EPM2AIP1: variants seen among roughly 807,000 people sequenced by gnomAD.
EPM2AIP1 encodes EPM2A interacting protein 1, also known as EPM2A-interacting protein 1.
In EPM2AIP1, 23 loss-of-function variants were observed where a neutral mutation model predicts 44.8. The observed-to-expected ratio is 0.51, with a 90% CI of 0.37 to 0.73. The LOEUF is 0.73. Ranked by LOEUF, EPM2AIP1 falls within the 30% of genes least tolerant of loss-of-function variation. The pLI is 0.00. For missense variants in EPM2AIP1, 652 were observed against 743.9 expected (o/e 0.88, Z 1.44); for synonymous variants, 311 against 284.3 (o/e 1.09, Z -0.94).
In EPM2AIP1 at chr3:36,991,249, A is replaced by C; in HGVS notation, c.*5T>G. 1 of 1,575,760 alleles carries C rather than the reference A, an allele frequency of 6.3e-7. No homozygotes were observed. Among genetic ancestry groups the C allele is most frequent in the African/African-American group, 1.4e-5 (1 of 73,264 alleles). ...TTGAGTTTTTCAATCTTGTACTACA[A>C]AGCCTTATGGATTAGATTCATTTCT... On this transcript the variant is annotated 3_prime_UTR_variant, in exon 1 of 1. Coordinates refer to ENST00000322716, the MANE Select transcript of EPM2AIP1 (RefSeq NM_014805.4).
rs1388094763 is a variant in EPM2AIP1, at chr3:36,986,750, C to T, written c.*4504G>A. The T allele has an allele frequency of 6.9e-6, 1 of 145,638 alleles. No homozygotes were observed. The highest frequency in any genetic ancestry group is 2.6e-5 in the African/African-American group (1 of 38,942). The allele number at this position is 145,638 out of a possible 1,614,324, so 9.0% of individuals were successfully genotyped here. A position where few individuals can be genotyped will look rare whatever the true frequency, so the allele number is the denominator to read the frequency against. On this transcript the variant is annotated 3_prime_UTR_variant, in exon 1 of 1. Coordinates refer to ENST00000322716, the MANE Select transcript of EPM2AIP1 (RefSeq NM_014805.4). ...TGAGCTGAGATTGTACCTCTGCACT[C>T]CAGCCTGGGTGACAAAGTGAGACCC...
In EPM2AIP1 at chr3:36,986,045, CT is replaced by C. The variant is rs1389128773; in HGVS notation, c.*5208del. ...TTATTCAATGGCAAGCTAGCCCATGCTGACACAGAAATTGGTCCCTTGTTTT... is the reference window on the plus strand; with the variant it reads ...TTATTCAATGGCAAGCTAGCCCATGCGACACAGAAATTGGTCCCTTGTTTT... On this transcript the variant is annotated 3_prime_UTR_variant, in exon 1 of 1. Transcript: ENST00000322716. The C allele has an allele frequency of 1.3e-5, 2 of 152,198 alleles. No homozygotes were observed. The highest frequency in any genetic ancestry group is 4.8e-5 in the African/African-American group (2 of 41,452). 9.4% of individuals were successfully genotyped at this position (152,198 alleles called of 1,614,324 possible).
chr3:36,991,094 G>A lies in EPM2AIP1; in HGVS notation c.*160C>T. On this transcript the variant is annotated 3_prime_UTR_variant, in exon 1 of 1. Coordinates refer to ENST00000322716, the MANE Select transcript of EPM2AIP1 (RefSeq NM_014805.4). The stretch of plus-strand genomic sequence containing the variant: ...TCAGTCCCATGCTGCCATTTGAGAT[G>A]AAAAAAAAGGCAACTGTCAGAATTT... The A allele has an allele frequency of 7.5e-7, 1 of 1,337,120 alleles. No homozygotes were observed. Among genetic ancestry groups the A allele is most frequent in the Non-Finnish European group, 9.6e-7 (1 of 1,043,016 alleles). The allele number at this position is 1,337,120 out of a possible 1,614,324, so 82.8% of individuals were successfully genotyped here. A position where few individuals can be genotyped will look rare whatever the true frequency, so the allele number is the denominator to read the frequency against.
In EPM2AIP1 at chr3:36,990,744, C is replaced by T; in HGVS notation, c.*510G>A. ...CTCAGAAATGTTTAAAAAAAAGTCTCAAACATTTTGATGGTTAGACAAAAC... is the reference window on the plus strand; with the variant it reads ...CTCAGAAATGTTTAAAAAAAAGTCTTAAACATTTTGATGGTTAGACAAAAC... On this transcript the variant is annotated 3_prime_UTR_variant, in exon 1 of 1. Coordinates refer to ENST00000322716, the MANE Select transcript of EPM2AIP1 (RefSeq NM_014805.4). The T allele has an allele frequency of 1.0e-6, 1 of 985,566 alleles. No homozygotes were observed. Among genetic ancestry groups the T allele is most frequent in the Non-Finnish European group, 1.2e-6 (1 of 829,898 alleles). The allele number at this position is 985,566 out of a possible 1,614,324, so 61.1% of individuals were successfully genotyped here.
rs2080795135 is a variant in EPM2AIP1 at position 36,990,367 on chromosome 3, A to C, written c.*887T>G. The C allele has an allele frequency of 1.0e-6, 1 of 977,116 alleles. No individual in the cohort carries two copies. Among genetic ancestry groups the C allele is most frequent in the Non-Finnish European group, 1.2e-6 (1 of 822,228 alleles). The allele number at this position is 977,116 out of a possible 1,614,324, so 60.5% of individuals were successfully genotyped here. ...GCAGATAAGACAAAAAAGCTAAAAT[A>C]TCTCACACCTCCTAATCCTGGAGTG... On this transcript the variant is annotated 3_prime_UTR_variant, in exon 1 of 1. Transcript: ENST00000322716.
Position 36,992,172 on chromosome 3 carries a change from G to T in EPM2AIP1, c.906C>A (p.Ser302=). The change falls in exon 1 of 1, where the codon TCC becomes TCA. Residue 302 remains serine, a synonymous_variant. Coordinates refer to ENST00000322716, the MANE Select transcript of EPM2AIP1 (RefSeq NM_014805.4). The surrounding 1 kb of genome is among the most constrained non-coding windows in gnomAD (Gnocchi z 5.3). ...VDVNQIINTI[S]EWIVLIKTRG... ...TGGTCTTAATCAAAACTATCCATTC[G>T]GATATGGTATTTATGATCTGATTAA... 6.2e-7 allele frequency: 1 copy of T among 1,613,894 alleles called. No individual in the cohort carries two copies. The highest frequency in any genetic ancestry group is 1.1e-5 in the South Asian group (1 of 91,084).
At position 36,991,094 on chromosome 3, in the gene EPM2AIP1, G is replaced by GA. The variant is rs369240123; in HGVS notation, c.*159dup. On this transcript the variant is annotated 3_prime_UTR_variant, in exon 1 of 1. Coordinates refer to ENST00000322716, the MANE Select transcript of EPM2AIP1 (RefSeq NM_014805.4). Reference sequence around the variant, plus strand: ...TCAGTCCCATGCTGCCATTTGAGATGAAAAAAAAGGCAACTGTCAGAATTT... The same window carrying GA: ...TCAGTCCCATGCTGCCATTTGAGATGAAAAAAAAAGGCAACTGTCAGAATTT... 3.1e-5 allele frequency: 41 copies of GA among 1,336,818 alleles called. No homozygotes were observed. The highest frequency in any genetic ancestry group is 1.1e-4 in the East Asian group (4 of 37,930). 82.8% of individuals were successfully genotyped at this position (1,336,818 alleles called of 1,614,324 possible).
rs974874117 is a variant in EPM2AIP1 at position 36,990,968 on chromosome 3, C to A, written c.*286G>T. The A allele has an allele frequency of 9.4e-7, 1 of 1,064,722 alleles. No individual in the cohort carries two copies. The highest frequency in any genetic ancestry group is 1.1e-6 in the Non-Finnish European group (1 of 880,580). 66.0% of individuals were successfully genotyped at this position (1,064,722 alleles called of 1,614,324 possible). A position where few individuals can be genotyped will look rare whatever the true frequency, so the allele number is the denominator to read the frequency against. ...ACACCTAAAAAACAGACTGCAAATT[C>A]AACTCACATTAATACTAAATCTCTT... On this transcript the variant is annotated 3_prime_UTR_variant, in exon 1 of 1. Transcript: ENST00000322716.
At position 36,990,116 on chromosome 3, in the gene EPM2AIP1, A is replaced by C. The variant is rs1426608338; in HGVS notation, c.*1138T>G. 6.6e-6 allele frequency: 1 copy of C among 152,310 alleles called. No individual in the cohort carries two copies. Among genetic ancestry groups the C allele is most frequent in the Admixed American group, 6.5e-5 (1 of 15,276 alleles). The allele number at this position is 152,310 out of a possible 1,614,324, so 9.4% of individuals were successfully genotyped here. On this transcript the variant is annotated 3_prime_UTR_variant, in exon 1 of 1. Transcript: ENST00000322716. ...GAAGTTTGGAAATTACTGTTTTGGC[A>C]CAAAGCAGATTATCTTAGTAGAAAT...
In EPM2AIP1 at chr3:36,986,648, C is replaced by T. The variant is rs1230415310; in HGVS notation, c.*4606G>A. On this transcript the variant is annotated 3_prime_UTR_variant, in exon 1 of 1. Coordinates refer to ENST00000322716, the MANE Select transcript of EPM2AIP1 (RefSeq NM_014805.4). Reference sequence around the variant, plus strand: ...AATACAAAAATTAGCTGGGTGTACTCGTGTATACCTGTATTCCCAGCTACT... The same window carrying T: ...AATACAAAAATTAGCTGGGTGTACTTGTGTATACCTGTATTCCCAGCTACT... The T allele has an allele frequency of 1.3e-5, 2 of 151,590 alleles. No individual in the cohort carries two copies. The highest frequency in any genetic ancestry group is 2.1e-4 in the South Asian group (1 of 4,810). The allele number at this position is 151,590 out of a possible 1,614,324, so 9.4% of individuals were successfully genotyped here. A position where few individuals can be genotyped will look rare whatever the true frequency, so the allele number is the denominator to read the frequency against.
rs2080788057 is a variant in EPM2AIP1 at position 36,989,215 on chromosome 3, C to A, written c.*2039G>T. The A allele has an allele frequency of 1.3e-5, 2 of 151,594 alleles. No individual in the cohort carries two copies. Among genetic ancestry groups the A allele is most frequent in the African/African-American group, 4.8e-5 (2 of 41,312 alleles). The allele number at this position is 151,594 out of a possible 1,614,324, so 9.4% of individuals were successfully genotyped here. On this transcript the variant is annotated 3_prime_UTR_variant, in exon 1 of 1. Transcript: ENST00000322716. ...AAGCAGAAGTGGCTTTCAGGTCTTC[C>A]AGTCTTTCTCTCAAGTAATAAAGCT...
rs777283517 is a variant in EPM2AIP1, at chr3:36,992,211, G to A, written c.867C>T (p.Ser289=). The A allele has an allele frequency of 1.2e-6, 2 of 1,613,938 alleles. No homozygotes were observed. The highest frequency in any genetic ancestry group is 1.7e-6 in the Non-Finnish European group (2 of 1,179,872). ...TGATCTGATTAACATCTACATCATA[G>A]GAGCTCAACAGTTCCAAGTGAAGAA... The part of the protein sequence containing the change: ...SGFLHLELLS[S]YDVDVNQIIN... Residue 289 remains serine, a synonymous_variant, in exon 1 of 1, where the codon TCC becomes TCT. Coordinates refer to ENST00000322716, the MANE Select transcript of EPM2AIP1 (RefSeq NM_014805.4). The surrounding 1 kb of genome is among the most constrained non-coding windows in gnomAD (Gnocchi z 5.3).
In EPM2AIP1 at chr3:36,991,273, C is replaced by G; in HGVS notation, c.1805G>C (p.Arg602Thr). Residue 602 changes from arginine to threonine, a missense_variant, in exon 1 of 1, where the codon AGA (arginine) becomes ACA (threonine). Physicochemically the swap from Arg to Thr is moderately conservative, Grantham distance 71 (BLOSUM62 -1). Coordinates refer to ENST00000322716, the MANE Select transcript of EPM2AIP1 (RefSeq NM_014805.4). ...AAAGCCTTATGGATTAGATTCATTT[C>G]TTTCTCTCACAAGGTCATCCCAACC... Reference protein sequence around the residue: ...EPGWDDLVRERNESNP With the variant: ...EPGWDDLVRETNESNP 1 of 1,607,060 alleles carries G rather than the reference C, an allele frequency of 6.2e-7. No individual in the cohort carries two copies. Among genetic ancestry groups the G allele is most frequent in the Non-Finnish European group, 8.5e-7 (1 of 1,175,636 alleles).
chr3:36,992,557 G>T lies in EPM2AIP1; in HGVS notation c.521C>A (p.Ala174Asp). The T allele has an allele frequency of 6.2e-7, 1 of 1,614,026 alleles. No homozygotes were observed. Among genetic ancestry groups the T allele is most frequent in the Non-Finnish European group, 8.5e-7 (1 of 1,179,892 alleles). ...CTGGTCGTCCAAGGCAAGAGAATAG[G>T]CTTTAAAGTCCCTGGCTCGGTTAAA... ...QLFNRARDFKAYSLALDDQAF... is the reference protein window; with the variant it reads ...QLFNRARDFKDYSLALDDQAF... Residue 174 changes from alanine (A) to aspartate (D), a missense_variant, in exon 1 of 1, where the codon GCC becomes GAC. Ala to Asp is a moderately radical substitution (Grantham distance 126). Coordinates refer to ENST00000322716, the MANE Select transcript of EPM2AIP1 (RefSeq NM_014805.4). The surrounding 1 kb of genome is among the most constrained non-coding windows in gnomAD (Gnocchi z 5.3).
In EPM2AIP1 at chr3:36,987,613, T is replaced by G. The variant is rs1488462047; in HGVS notation, c.*3641A>C. The G allele has an allele frequency of 7.1e-6, 1 of 141,110 alleles. No individual in the cohort carries two copies. Among genetic ancestry groups the G allele is most frequent in the African/African-American group, 2.5e-5 (1 of 39,652 alleles). The allele number at this position is 141,110 out of a possible 1,614,324, so 8.7% of individuals were successfully genotyped here. A position where few individuals can be genotyped will look rare whatever the true frequency, so the allele number is the denominator to read the frequency against. On this transcript the variant is annotated 3_prime_UTR_variant, in exon 1 of 1. Transcript: ENST00000322716. Reference sequence around the variant, plus strand: ...AGGGAAAACCGCAATTTGTTATCCTTCTCTCCTTTCATACAACAGAGAAAA... The same window carrying G: ...AGGGAAAACCGCAATTTGTTATCCTGCTCTCCTTTCATACAACAGAGAAAA...
At position 36,987,726 on chromosome 3, in the gene EPM2AIP1, G is replaced by C. The variant is rs1330333983; in HGVS notation, c.*3528C>G. 6.6e-6 allele frequency: 1 copy of C among 152,144 alleles called. No individual in the cohort carries two copies. Among genetic ancestry groups the C allele is most frequent in the Non-Finnish European group, 1.5e-5 (1 of 68,018 alleles). 9.4% of individuals were successfully genotyped at this position (152,144 alleles called of 1,614,324 possible). On this transcript the variant is annotated 3_prime_UTR_variant, in exon 1 of 1. Coordinates refer to ENST00000322716, the MANE Select transcript of EPM2AIP1 (RefSeq NM_014805.4). ...TTCTGAGAATACAACGAGGTCCCTA[G>C]TTACAAAGAACTTGTCTTCATTTTT...
In EPM2AIP1 at chr3:36,986,393, G is replaced by A. The variant is rs908958683; in HGVS notation, c.*4861C>T. The A allele has an allele frequency of 6.6e-6, 1 of 152,146 alleles. No individual in the cohort carries two copies. The highest frequency in any genetic ancestry group is 1.5e-5 in the Non-Finnish European group (1 of 68,028). 9.4% of individuals were successfully genotyped at this position (152,146 alleles called of 1,614,324 possible). ...TTCAAGTACTTACTGGGTAGGATGA[G>A]GCAACATTTTAATATCAAAAAGAAA... is the stretch of plus-strand genomic sequence containing the variant. On this transcript the variant is annotated 3_prime_UTR_variant, in exon 1 of 1. Transcript: ENST00000322716.
At position 36,985,199 on chromosome 3, in the gene EPM2AIP1, CACAGAT is replaced by C. The variant is rs566329356; in HGVS notation, c.*6049_*6054del. 6 of 152,292 alleles carry C rather than the reference CACAGAT, an allele frequency of 3.9e-5. No homozygotes were observed. Among genetic ancestry groups the C allele is most frequent in the South Asian group, 4.1e-4 (2 of 4,826 alleles). 9.4% of individuals were successfully genotyped at this position (152,292 alleles called of 1,614,324 possible). A position where few individuals can be genotyped will look rare whatever the true frequency, so the allele number is the denominator to read the frequency against. ...TACTACATATAACATGGATTACTCT[CACAGAT>C]ACAATGTTGAACAAGACACGGAAGA... On this transcript the variant is annotated 3_prime_UTR_variant, in exon 1 of 1. Coordinates refer to ENST00000322716, the MANE Select transcript of EPM2AIP1 (RefSeq NM_014805.4).
rs1466020670 is a variant in EPM2AIP1 at position 36,988,268 on chromosome 3, A to C, written c.*2986T>G. 1.3e-5 allele frequency: 2 copies of C among 152,238 alleles called. No homozygotes were observed. The highest frequency in any genetic ancestry group is 2.9e-5 in the Non-Finnish European group (2 of 68,036). The allele number at this position is 152,238 out of a possible 1,614,324, so 9.4% of individuals were successfully genotyped here. On this transcript the variant is annotated 3_prime_UTR_variant, in exon 1 of 1. Transcript: ENST00000322716. ...AGACTAATAAGGAGGCTGTTGCTAT[A>C]ATTTAGGTAGGTTGATGGCCTGAAT...
Sources: allele counts gnomAD v4.1 joint callset, GRCh38; gene constraint gnomAD v4.1.1; non-coding constraint Gnocchi (gnomAD v3.1); transcripts MANE v1.5; gene names NCBI Gene and HGNC (gene_info 2026-07-23, HGNC 2026-07-21).